Variants in KLHL2 observed in about 807,000 individuals in gnomAD.
The protein encoded by KLHL2 is kelch-like protein 2.
In KLHL2, 15 loss-of-function variants were observed where a neutral mutation model predicts 75.8. The ratio of observed to expected loss-of-function variants is 0.20; its 90% CI spans 0.13 to 0.30. The LOEUF is 0.30. KLHL2 is among the 10% of genes least tolerant of loss of function. The pLI is 1.00. For missense variants in KLHL2, 381 were observed against 741.0 expected (o/e 0.51, Z 5.64); for synonymous variants, 214 against 251.9 (o/e 0.85, Z 1.42).
At chr4:165,307,651 A>G (rs1013960115) in intron 9 of KLHL2, among the ~76,000 whole-genome samples, 3 of 152,172 alleles carry the variant, frequency 2.0e-5, no homozygotes, top group Non-Finnish European at 2.9e-5. Context: ...TATTTTGAAG[A>G]GTGTCTCTCA....
At chr4:165,318,388 G>C (rs1335135349) in intron 14 of KLHL2, among the ~76,000 whole-genome samples, 1 of 152,050 alleles carries the variant, frequency 6.6e-6, no homozygotes, top group Non-Finnish European at 1.5e-5. Context: ...GCATAGTACT[G>C]GTTGAGTTAT....
chr4:165,306,267 C>T lies in KLHL2; in HGVS notation c.1039+542C>T, dbSNP rs543005420. Reference sequence around the variant, plus strand: ...GAAATGAGTTCTGTATGTAATGGAACGTTTCTATGATGGTAGTACTTTAAC... The same window carrying T: ...GAAATGAGTTCTGTATGTAATGGAATGTTTCTATGATGGTAGTACTTTAAC... On this transcript the variant is annotated intron_variant, in intron 9 of 14. Transcript: ENST00000226725. Among the ~76,000 whole-genome samples, 21 of 152,260 alleles carry T rather than the reference C, an allele frequency of 1.4e-4. No homozygotes were observed. In the South Asian group the frequency reaches 3.1e-3, roughly 23 times the overall value.
intron 1 of KLHL2, among the ~76,000 whole-genome samples, chr4:165,213,561 A>G (rs1737344856): frequency 2.0e-5 from 3 of 152,118 alleles, no homozygotes; most frequent in Admixed American, 2.0e-4. Context: ...AACTCATTCC[A>G]GCTCATCGTT....
intron 4 of KLHL2, among the ~76,000 whole-genome samples, chr4:165,251,877 G>A (rs1268341291): frequency 6.6e-6 from 1 of 152,100 alleles, no homozygotes; most frequent in Non-Finnish European, 1.5e-5. Context: ...CCAAAGTGCT[G>A]GGATTACAGG....
chr4:165,259,354 C>T (rs1444897924), intron 4 of KLHL2, among the ~76,000 whole-genome samples: 2 of 152,228 alleles, frequency 1.3e-5, no homozygotes, highest in Non-Finnish European at 2.9e-5. Flanking sequence ...AATGCTCTGC[C>T]CACCTTAGCC....
At chr4:165,289,605 A>G (rs1328829593) in intron 5 of KLHL2, among the ~76,000 whole-genome samples, 4 of 139,650 alleles carry the variant, frequency 2.9e-5, no homozygotes, top group African/African-American at 8.2e-5. Flanking sequence ...ATAGTTGACT[A>G]TTTTCCTTGC....
intron 9 of KLHL2, among the ~76,000 whole-genome samples, chr4:165,307,562 C>CAT (rs1300252402): frequency 7.2e-5 from 11 of 152,108 alleles, no homozygotes; most frequent in Non-Finnish European, 5.9e-5. Context: ...ATTTAGTTGT[C>CAT]ATATCTTCTT....
Position 165,256,775 on chromosome 4 carries a change from C to T in KLHL2, c.382-6422C>T, listed in dbSNP as rs1457090215. ...TATGTAAAAATAAATAGGAAATGTT[C>T]ATATCACACCTAACCAGAGATAAAA... On this transcript the variant is annotated intron_variant, in intron 4 of 14. Transcript: ENST00000226725. Among the ~76,000 whole-genome samples the T allele has an allele frequency of 2.6e-5, 4 of 152,162 alleles. No homozygotes were observed. In the South Asian group the frequency reaches 6.2e-4, roughly 24 times the overall value.
intron 8 of KLHL2, among the ~76,000 whole-genome samples, chr4:165,300,030 T>G (rs943828160): frequency 2.0e-5 from 3 of 152,188 alleles, no homozygotes; most frequent in Non-Finnish European, 4.4e-5. Context: ...GATTCATGCC[T>G]GTAATCCCAG....
At chr4:165,261,172 C>CT (rs1741635921) in intron 4 of KLHL2, among the ~76,000 whole-genome samples, 2 of 152,166 alleles carry the variant, frequency 1.3e-5, no homozygotes, top group Non-Finnish European at 2.9e-5. Context: ...TTGGAACGCA[C>CT]TTTATGTTGC....
At chr4:165,279,221 C>T in intron 5 of KLHL2, 2 of 1,533,120 alleles carry the variant, frequency 1.3e-6, no homozygotes, top group Middle Eastern at 1.7e-4. Flanking sequence ...AAGTGGAAGG[C>T]CTGTCTTGGA....
At chr4:165,237,840 A>G (rs1272364796) in intron 3 of KLHL2, among the ~76,000 whole-genome samples, 3 of 151,898 alleles carry the variant, frequency 2.0e-5, no homozygotes, top group Non-Finnish European at 4.4e-5. Flanking sequence ...TTTAGTTTTT[A>G]ATTGAATCCC....
At chr4:165,250,101 G>GCAA (rs1048127849) in intron 4 of KLHL2, among the ~76,000 whole-genome samples, 53 of 151,064 alleles carry the variant, frequency 3.5e-4, no homozygotes, top group African/African-American at 1.2e-3. Context: ...TCCAGCCTGG[G>GCAA]CAACAGAGTG....
At chr4:165,296,773 C>T (rs1046368954) in intron 6 of KLHL2, among the ~76,000 whole-genome samples, 2 of 152,110 alleles carry the variant, frequency 1.3e-5, no homozygotes, top group African/African-American at 4.8e-5. Context: ...TAATCTCTGG[C>T]ACCTGGCACG....
intron 13 of KLHL2, among the ~76,000 whole-genome samples, chr4:165,314,589 G>A (rs771704167): frequency 7.2e-5 from 11 of 152,100 alleles, no homozygotes; most frequent in Non-Finnish European, 1.2e-4. Flanking sequence ...TTTATACTAG[G>A]TTAAAAAGCT....
intron 5 of KLHL2, among the ~76,000 whole-genome samples, chr4:165,292,980 C>G (rs1052091849): frequency 6.6e-6 from 1 of 152,130 alleles, no homozygotes; most frequent in Non-Finnish European, 1.5e-5. Context: ...TTATTTAATC[C>G]TCACAGCAAT....
At chr4:165,249,890 C>T (rs1399287469) in intron 4 of KLHL2, among the ~76,000 whole-genome samples, 4 of 152,184 alleles carry the variant, frequency 2.6e-5, no homozygotes, top group Middle Eastern at 3.4e-3. Flanking sequence ...TTTGGGAGGC[C>T]GAGGCAGGTG....
intron 5 of KLHL2, among the ~76,000 whole-genome samples, chr4:165,264,252 A>C (rs1213797646): frequency 1.3e-5 from 2 of 151,636 alleles, no homozygotes; most frequent in Non-Finnish European, 2.9e-5. Flanking sequence ...TAGGAGTACA[A>C]GTGGTTTTTG....
intron 4 of KLHL2, among the ~76,000 whole-genome samples, chr4:165,262,534 A>C (rs756329416): frequency 2.0e-5 from 3 of 152,150 alleles, no homozygotes; most frequent in Admixed American, 6.5e-5. Flanking sequence ...TCATTGAATC[A>C]TAGCACCCCC....
Sources: allele counts gnomAD v4.1 joint callset (sites outside exome capture counted in the v4.1 genomes callset), GRCh38; gene constraint gnomAD v4.1.1; transcripts MANE v1.5; gene names NCBI Gene and HGNC (gene_info 2026-07-23, HGNC 2026-07-21).